Variants in DESI1 observed in about 807,000 individuals in gnomAD.
DESI1 encodes PPPDE peptidase domain containing 2.
Under a neutral mutation model 22.4 loss-of-function variants are expected in DESI1, and 17 were observed. The ratio of observed to expected loss-of-function variants is 0.76; its 90% CI spans 0.52 to 1.14. The LOEUF (loss-of-function observed/expected upper bound fraction) is 1.14. DESI1 is among the 50% of genes most tolerant of loss of function. The probability of loss-of-function intolerance (pLI) is 0.00; values close to 1 mark genes in which losing one functional copy is unlikely to be tolerated. For synonymous variants in DESI1, 92 were observed against 84.2 expected (o/e 1.09, Z -0.51); for missense variants, 177 against 208.9 (o/e 0.85, Z 0.94).
At chr22:41,610,962 G>A (rs1260044563) in intron 1 of DESI1, among the ~76,000 whole-genome samples, 1 of 152,048 alleles carries the variant, frequency 6.6e-6, no homozygotes, top group African/African-American at 2.4e-5. Context: ...GGCAGGTTCT[G>A]ACCTTATCCA....
In DESI1 at chr22:41,600,757, T is replaced by C. The variant is rs939038685; in HGVS notation, c.*340A>G. On this transcript the variant is annotated 3_prime_UTR_variant, in exon 6 of 6. Transcript: ENST00000263256. ...CGTGAGTGTTCTCTGGAAAGAGTTCTAGGTTGGGGCTCCCGCAAACTGTGA... is the reference window on the plus strand; with the variant it reads ...CGTGAGTGTTCTCTGGAAAGAGTTCCAGGTTGGGGCTCCCGCAAACTGTGA... 4 of 256,662 alleles carry C rather than the reference T, an allele frequency of 1.6e-5. No individual in the cohort carries two copies. The highest frequency in any genetic ancestry group is 3.1e-5 in the Non-Finnish European group (4 of 129,266). 15.9% of individuals were successfully genotyped at this position (256,662 alleles called of 1,614,324 possible).
At chr22:41,613,347 A>C (rs1037218478) in intron 1 of DESI1, among the ~76,000 whole-genome samples, 2 of 152,246 alleles carry the variant, frequency 1.3e-5, no homozygotes, top group African/African-American at 4.8e-5. Context: ...TGCGTAGCAC[A>C]GGGTCTGGGA....
At chr22:41,603,005 G>A in intron 5 of DESI1, 1 of 615,930 alleles carries the variant, frequency 1.6e-6, no homozygotes. Context: ...AAGTACTGAA[G>A]CCAGTGTCAA....
intron 1 of DESI1, among the ~76,000 whole-genome samples, chr22:41,612,756 C>G (rs2067525905): frequency 7.4e-6 from 1 of 134,750 alleles, no homozygotes; most frequent in East Asian, 2.1e-4. Flanking sequence ...CCCAGGCCTA[C>G]TTTTTTTTTT....
At chr22:41,605,967 G>A (rs1256522295) in intron 3 of DESI1, among the ~76,000 whole-genome samples, 1 of 152,136 alleles carries the variant, frequency 6.6e-6, no homozygotes, top group Non-Finnish European at 1.5e-5. Flanking sequence ...AGGTTTCAAT[G>A]TCTACGGTGT....
chr22:41,611,571 C>T (rs1213107124), intron 1 of DESI1, among the ~76,000 whole-genome samples: 2 of 149,406 alleles, frequency 1.3e-5, no homozygotes, highest in Admixed American at 6.7e-5. Context: ...AGGATACCTG[C>T]TTTCTCTTAC....
rs763546525 is a variant in DESI1, at chr22:41,604,045, G to A, written c.289C>T (p.Arg97Ter). 30 of 1,612,586 alleles carry A rather than the reference G, an allele frequency of 1.9e-5. No homozygotes were observed. The highest frequency in any genetic ancestry group is 3.3e-5 in the Admixed American group (2 of 59,896). ...ACCACCACCCCTGTCTCCACTCACCGGAACAGGGACTCCCCCAGGGAGGAG... is the reference window on the plus strand; with the variant it reads ...ACCACCACCCCTGTCTCCACTCACCAGAACAGGGACTCCCCCAGGGAGGAG... ...YLSSLGESLF[R>*]GEAYNLFEHN... The change falls in exon 4 of 6, where the codon CGA becomes TGA. Residue 97 changes from arginine (R) to a stop codon, truncating the protein, a stop_gained and splice_region_variant. Transcript: ENST00000263256. LOFTEE classifies it high-confidence loss of function.
At position 41,620,804 on chromosome 22, in the gene DESI1, G is replaced by A. The variant is rs375941833; in HGVS notation, c.36C>T (p.Tyr12=). The A allele has an allele frequency of 3.1e-4, 495 of 1,612,810 alleles. No individual in the cohort carries two copies. Among genetic ancestry groups the A allele is most frequent in the Non-Finnish European group, 4.1e-4 (486 of 1,179,420 alleles). The change falls in exon 1 of 6, where the codon TAC becomes TAT. Residue 12 remains tyrosine, a synonymous_variant. Coordinates refer to ENST00000263256, the MANE Select transcript of DESI1 (RefSeq NM_015704.3). ...CCAGGCCTTTGGACAGGTCGTACAC[G>A]TAGAGCTTCACCGGATAGAGATTCG... ...EPPNLYPVKL[Y]VYDLSKGLAR...
chr22:41,619,819 C>G (rs1270700404), intron 1 of DESI1, among the ~76,000 whole-genome samples: 1 of 152,168 alleles, frequency 6.6e-6, no homozygotes, highest in African/African-American at 2.4e-5. Context: ...TCCACAGAAG[C>G]CAGGAAAAAC....
chr22:41,610,957 G>A (rs1460407140), intron 1 of DESI1, among the ~76,000 whole-genome samples: 1 of 152,102 alleles, frequency 6.6e-6, no homozygotes, highest in Non-Finnish European at 1.5e-5. Context: ...TGTGAGGCAG[G>A]TTCTGACCTT....
In DESI1 at chr22:41,607,334, G is replaced by A. The variant is rs1272074277; in HGVS notation, c.111-3C>T. The A allele has an allele frequency of 1.2e-6, 2 of 1,609,016 alleles. No homozygotes were observed. ...TGTGCACAACTATGGATGTGTGCCT[G>A]TCACACAGAGAGAGACACAGTAAGC... On this transcript the variant is annotated splice_polypyrimidine_tract_variant and splice_region_variant and intron_variant, in intron 2 of 5. Coordinates refer to ENST00000263256, the MANE Select transcript of DESI1 (RefSeq NM_015704.3).
chr22:41,606,952 CCGGACA>C (rs1159998649), intron 3 of DESI1, among the ~76,000 whole-genome samples: 39 of 151,944 alleles, frequency 2.6e-4, no homozygotes, highest in African/African-American at 8.7e-4. Context: ...CTAGGATGAG[CCGGACA>C]CTGTGCAGGG....
In DESI1 at chr22:41,599,292, T is replaced by G. The variant is rs1249788368; in HGVS notation, c.*1805A>C. 6.6e-6 allele frequency: 1 copy of G among 152,164 alleles called. No individual in the cohort carries two copies. The highest frequency in any genetic ancestry group is 1.5e-5 in the Non-Finnish European group (1 of 68,030). 9.4% of individuals were successfully genotyped at this position (152,164 alleles called of 1,614,324 possible). A position where few individuals can be genotyped will look rare whatever the true frequency, so the allele number is the denominator to read the frequency against. On this transcript the variant is annotated 3_prime_UTR_variant, in exon 6 of 6. Coordinates refer to ENST00000263256, the MANE Select transcript of DESI1 (RefSeq NM_015704.3). The stretch of plus-strand genomic sequence containing the variant: ...TACCTGGCAGCTCTGAGTCCCTTCT[T>G]CATGCTCACTTTCCCAAAATCTAAC...
chr22:41,602,739 C>T (rs917913512), intron 5 of DESI1: 22 of 996,324 alleles, frequency 2.2e-5, no homozygotes, highest in Non-Finnish European at 2.5e-5. Context: ...CAGGACAGAA[C>T]GGGCTGCAGA....
chr22:41,611,310 T>G (rs2067515662), intron 1 of DESI1, among the ~76,000 whole-genome samples: 1 of 152,094 alleles, frequency 6.6e-6, no homozygotes, highest in Non-Finnish European at 1.5e-5. Context: ...TTTCTGTATT[T>G]TTAGTAGAGA....
intron 1 of DESI1, 64 bp downstream of exon 1, chr22:41,620,688 C>T: frequency 6.7e-7 from 1 of 1,495,260 alleles, no homozygotes; most frequent in Non-Finnish European, 9.1e-7. Flanking sequence ...CTCCCCACCT[C>T]GGCCAGCCGC....
At chr22:41,620,645 GC>G in intron 1 of DESI1, 106 bp downstream of exon 1, 1 of 1,115,566 alleles carries the variant, frequency 9.0e-7, no homozygotes, top group Non-Finnish European at 1.3e-6. Context: ...CATCCTCCTG[GC>G]CATGTGTCTC....
At chr22:41,602,863 G>A in intron 5 of DESI1, 3 of 998,116 alleles carry the variant, frequency 3.0e-6, no homozygotes, top group Non-Finnish European at 3.7e-6. Context: ...CAAATCAACA[G>A]CTACAAAACA....
chr22:41,609,217 C>G (rs566502641), intron 1 of DESI1, among the ~76,000 whole-genome samples: 1 of 152,256 alleles, frequency 6.6e-6, no homozygotes, highest in South Asian at 2.1e-4. Context: ...GCTAGGATTA[C>G]AGGCATGAGC....
Sources: allele counts gnomAD v4.1 joint callset (sites outside exome capture counted in the v4.1 genomes callset), GRCh38; gene constraint gnomAD v4.1.1; transcripts MANE v1.5; gene names NCBI Gene and HGNC (gene_info 2026-07-23, HGNC 2026-07-21).